NFATC2: variants seen among roughly 807,000 people sequenced by gnomAD.
NFATC2 encodes nuclear factor of activated T cells 2.
In NFATC2, 22 loss-of-function variants were observed where a neutral mutation model predicts 87.3. The observed-to-expected ratio is 0.25, with a 90% confidence interval of 0.18 to 0.36. The LOEUF is 0.36. Among genes scored for constraint, NFATC2 ranks in the 10% least tolerant of loss-of-function variants. The pLI, the probability that NFATC2 is intolerant of heterozygous loss-of-function variation, is 1.00. For missense variants in NFATC2, 1,149 were observed against 1,259.1 expected (o/e 0.91, Z 1.32); for synonymous variants, 565 against 542.2 (o/e 1.04, Z -0.58).
At chr20:51,538,791 G>A (rs2076761297) in intron 1 of NFATC2, among the ~76,000 whole-genome samples, 1 of 152,230 alleles carries the variant, frequency 6.6e-6, no homozygotes, top group Admixed American at 6.5e-5. Flanking sequence ...GGTCCTATGA[G>A]GCAAGTGGTA....
rs554650657 is a variant in NFATC2 at position 51,391,143 on chromosome 20, A to C, written c.*353T>G. On this transcript the variant is annotated 3_prime_UTR_variant, in exon 11 of 11. Coordinates refer to ENST00000371564, the MANE Select transcript of NFATC2 (RefSeq NM_012340.5). ...TGCTTTTGGTCAGCAGGTGCTTACT[A>C]TTTGGACGGAACACCATTAAGATCA... 11 of 636,918 alleles carry C rather than the reference A, an allele frequency of 1.7e-5. No homozygotes were observed. The highest frequency in any genetic ancestry group is 4.2e-4 in the Middle Eastern group (1 of 2,404). 39.5% of individuals were successfully genotyped at this position (636,918 alleles called of 1,614,324 possible).
chr20:51,431,315 C>T (rs551937678), intron 9 of NFATC2, among the ~76,000 whole-genome samples: 4 of 152,184 alleles, frequency 2.6e-5, no homozygotes, highest in Admixed American at 6.5e-5. Flanking sequence ...CTTAGCAATG[C>T]GGTTTGTCCT....
chr20:51,495,196 CCCCT>C (rs1248688749), intron 3 of NFATC2, among the ~76,000 whole-genome samples: 1 of 152,154 alleles, frequency 6.6e-6, no homozygotes, highest in Non-Finnish European at 1.5e-5. Context: ...GCAATTCTCC[CCCCT>C]CAGCCTCTGG....
At chr20:51,395,061 G>A (rs145460491) in intron 10 of NFATC2, among the ~76,000 whole-genome samples, 5 of 152,220 alleles carry the variant, frequency 3.3e-5, no homozygotes, top group African/African-American at 7.2e-5. Context: ...ATTTTCATGC[G>A]ATTGACAAAT....
intron 9 of NFATC2, among the ~76,000 whole-genome samples, chr20:51,408,036 C>T (rs571861297): frequency 1.8e-4 from 27 of 152,324 alleles, no homozygotes; most frequent in South Asian, 4.1e-4. Flanking sequence ...GGCATCCATC[C>T]GCTCAGGCCA....
intron 1 of NFATC2, among the ~76,000 whole-genome samples, chr20:51,561,301 A>T (rs1245143152): frequency 6.8e-6 from 1 of 147,166 alleles, no homozygotes; most frequent in African/African-American, 2.5e-5. Context: ...TACCTAACCC[A>T]AGGCATTTGG....
At chr20:51,441,578 G>A (rs867637365) in intron 6 of NFATC2, among the ~76,000 whole-genome samples, 10 of 151,370 alleles carry the variant, frequency 6.6e-5, no homozygotes, top group Middle Eastern at 3.4e-3. Context: ...TTAGCTGGGC[G>A]TGGTAGTGGG....
At chr20:51,464,575 G>C (rs1403810931) in intron 5 of NFATC2, among the ~76,000 whole-genome samples, 3 of 152,140 alleles carry the variant, frequency 2.0e-5, no homozygotes, top group Non-Finnish European at 4.4e-5. Context: ...GGCTGACAAA[G>C]GCCTGGCCAA....
At chr20:51,536,842 CAT>C (rs1026680909) in intron 1 of NFATC2, among the ~76,000 whole-genome samples, 1 of 152,146 alleles carries the variant, frequency 6.6e-6, no homozygotes, top group Non-Finnish European at 1.5e-5. Context: ...CTGAATGTCA[CAT>C]GTGTTTAGTG....
At chr20:51,428,699 T>C (rs960379832) in intron 9 of NFATC2, among the ~76,000 whole-genome samples, 29 of 152,176 alleles carry the variant, frequency 1.9e-4, no homozygotes, top group Non-Finnish European at 3.7e-4. Flanking sequence ...GATGGTTTGT[T>C]TGCACTTGTG....
At chr20:51,414,821 G>A (rs1383811343) in intron 9 of NFATC2, among the ~76,000 whole-genome samples, 1 of 152,166 alleles carries the variant, frequency 6.6e-6, no homozygotes, top group Non-Finnish European at 1.5e-5. Context: ...GGTGGGCGAG[G>A]CTGATCATGC....
rs186180925 is a variant in NFATC2, at chr20:51,510,669, T to C, written c.1332+6115A>G. On this transcript the variant is annotated intron_variant, in intron 3 of 10. Transcript: ENST00000371564. ...CATGGTCTCACTCTGTCACCCAGGCTGGAGTGCAGTGGCACGATCACAGCG... is the reference window on the plus strand; with the variant it reads ...CATGGTCTCACTCTGTCACCCAGGCCGGAGTGCAGTGGCACGATCACAGCG... Among the ~76,000 whole-genome samples the C allele has an allele frequency of 2.9e-3, 445 of 152,370 alleles. 3 individuals are homozygous for C. The Middle Eastern group carries it at 0.034, about 12-fold the overall frequency.
At chr20:51,475,897 G>T (rs1412162772) in intron 3 of NFATC2, among the ~76,000 whole-genome samples, 1 of 152,152 alleles carries the variant, frequency 6.6e-6, no homozygotes, top group Non-Finnish European at 1.5e-5. Flanking sequence ...AATACAGTAA[G>T]TCAGAACTGC....
At chr20:51,460,433 C>G (rs1569007804) in intron 5 of NFATC2, among the ~76,000 whole-genome samples, 1 of 152,168 alleles carries the variant, frequency 6.6e-6, no homozygotes, top group Non-Finnish European at 1.5e-5. Flanking sequence ...TCATCAAAAG[C>G]GTGTCTGGCT....
intron 3 of NFATC2, among the ~76,000 whole-genome samples, chr20:51,512,141 C>G (rs1281405613): frequency 2.0e-5 from 3 of 152,276 alleles, no homozygotes; most frequent in Non-Finnish European, 4.4e-5. Context: ...GTTCTATGAC[C>G]TGTTCCAGGT....
intron 3 of NFATC2, among the ~76,000 whole-genome samples, chr20:51,509,295 T>G (rs2076235249): frequency 6.6e-6 from 1 of 152,182 alleles, no homozygotes; most frequent in Non-Finnish European, 1.5e-5. Flanking sequence ...TTTTCCTATT[T>G]ATAAGCTATA....
chr20:51,550,749 T>C (rs1215007596), intron 1 of NFATC2, among the ~76,000 whole-genome samples: 1 of 152,180 alleles, frequency 6.6e-6, no homozygotes, highest in African/African-American at 2.4e-5. Context: ...ACACAAAGAC[T>C]ACTTTATAAT....
intron 1 of NFATC2, among the ~76,000 whole-genome samples, chr20:51,527,222 C>A (rs956778039): frequency 6.6e-6 from 1 of 152,104 alleles, no homozygotes; most frequent in Admixed American, 6.5e-5. Flanking sequence ...TTAAAAGCAT[C>A]AAGCTCCTTC....
chr20:51,417,627 C>T (rs1345589003), intron 9 of NFATC2, among the ~76,000 whole-genome samples: 1 of 152,184 alleles, frequency 6.6e-6, no homozygotes, highest in Non-Finnish European at 1.5e-5. Context: ...TCTCCACCCC[C>T]AACATCTGAA....
Sources: gnomAD v4.1 joint callset for allele counts (sites outside exome capture counted in the v4.1 genomes callset) on GRCh38, gnomAD v4.1.1 for gene constraint, MANE v1.5 for transcripts, NCBI Gene and HGNC (gene_info 2026-07-23, HGNC 2026-07-21) for gene names.